NAALADL2: variants seen among roughly 807,000 people sequenced by gnomAD.
NAALADL2 encodes the protein inactive N-acetylated-alpha-linked acidic dipeptidase-like protein 2.
In NAALADL2, 76 loss-of-function variants were observed where a neutral mutation model predicts 87.2. That is an observed-to-expected ratio of 0.87 (90% CI 0.72 to 1.05). The LOEUF (loss-of-function observed/expected upper bound fraction) is 1.05. Among genes scored for constraint, NAALADL2 ranks in the 50% least tolerant of loss-of-function variants. The probability of loss-of-function intolerance (pLI) is 0.00; values close to 1 mark genes in which losing one functional copy is unlikely to be tolerated. For missense variants in NAALADL2, 1,089 were observed against 945.8 expected (o/e 1.15, Z -1.99); for synonymous variants, 354 against 331.0 (o/e 1.07, Z -0.75).
At chr3:175,220,755 T>C (rs1743227327) in intron 2 of NAALADL2, among the ~76,000 whole-genome samples, 1 of 152,216 alleles carries the variant, frequency 6.6e-6, no homozygotes, top group South Asian at 2.1e-4. Context: ...ATTGCCTCTT[T>C]CTAATTTATT....
At chr3:175,328,316 T>C (rs115109040) in intron 5 of NAALADL2, among the ~76,000 whole-genome samples, 2 of 152,190 alleles carry the variant, frequency 1.3e-5, no homozygotes, top group South Asian at 2.1e-4. Flanking sequence ...CAATATTTAG[T>C]TGAGTACTTC....
chr3:175,265,238 A>G (rs2109945578), intron 4 of NAALADL2, among the ~76,000 whole-genome samples: 1 of 151,786 alleles, frequency 6.6e-6, no homozygotes, highest in Admixed American at 6.6e-5. Flanking sequence ...TTATTTCCGG[A>G]ATGGTTATGA....
At chr3:175,211,495 T>C (rs1468395793) in intron 2 of NAALADL2, among the ~76,000 whole-genome samples, 1 of 151,972 alleles carries the variant, frequency 6.6e-6, no homozygotes, top group African/African-American at 2.4e-5. Context: ...CATGCCTCTA[T>C]TTTATACTAA....
chr3:175,627,529 A>T (rs1052800525), intron 11 of NAALADL2, 143 bp downstream of exon 11: 7 of 572,354 alleles, frequency 1.2e-5, no homozygotes, highest in Non-Finnish European at 1.8e-5. Context: ...AGTATATCCT[A>T]TTATTTTACT....
At chr3:174,799,672 G>T (rs185030160) in intron 3 of NAALADL2, among the ~76,000 whole-genome samples, 6 of 152,270 alleles carry the variant, frequency 3.9e-5, no homozygotes, top group African/African-American at 1.4e-4. Context: ...GTGGAGTGCC[G>T]CAGAAAAGAT....
chr3:175,391,730 C>A (rs1301042516), intron 5 of NAALADL2, among the ~76,000 whole-genome samples: 3 of 152,060 alleles, frequency 2.0e-5, no homozygotes, highest in Admixed American at 6.6e-5. Context: ...AGGGTGGAGA[C>A]TTGTTATATG....
In NAALADL2 at chr3:174,612,907, G is replaced by A. The variant is rs190842768; in HGVS notation, c.-115+62270G>A. ...TTAGATATTTATTGTAGTCTTCATAGTCTGAGCTTGTTTGTTCCCATCCTT... is the reference window on the plus strand; with the variant it reads ...TTAGATATTTATTGTAGTCTTCATAATCTGAGCTTGTTTGTTCCCATCCTT... On this transcript the variant is annotated intron_variant, in intron 2 of 3. Transcript: ENST00000434257. Among the ~76,000 whole-genome samples the A allele has an allele frequency of 1.6e-3, 237 of 152,194 alleles. 2 individuals carry two copies. Among genetic ancestry groups the A allele is most frequent in the African/African-American group, 5.6e-3 (234 of 41,526 alleles).
chr3:175,301,690 G>A (rs568622683), intron 4 of NAALADL2, among the ~76,000 whole-genome samples: 1 of 152,284 alleles, frequency 6.6e-6, no homozygotes, highest in South Asian at 2.1e-4. Flanking sequence ...CAGAAAGAAA[G>A]TGAAAGATGA....
At chr3:175,245,104 A>G (rs1368025327) in intron 3 of NAALADL2, among the ~76,000 whole-genome samples, 1 of 151,986 alleles carries the variant, frequency 6.6e-6, no homozygotes, top group South Asian at 2.1e-4. Context: ...CTACTTCTCT[A>G]CATATTTTTC....
chr3:175,415,175 A>G (rs1012746002), intron 5 of NAALADL2, among the ~76,000 whole-genome samples: 12 of 152,342 alleles, frequency 7.9e-5, no homozygotes, highest in Non-Finnish European at 1.6e-4. Flanking sequence ...GTGTGTTCAT[A>G]TAATTGTGTT....
chr3:175,450,355 G>A lies in NAALADL2; in HGVS notation c.1234+2983G>A, dbSNP rs1018857961. Among the ~76,000 whole-genome samples the A allele has an allele frequency of 2.8e-4, 42 of 152,146 alleles. 3 individuals carry two copies. The highest frequency in any genetic ancestry group is 1.4e-3 in the Admixed American group (21 of 15,258). On this transcript the variant is annotated intron_variant, in intron 6 of 13. Transcript: ENST00000454872. ...AAACATATTATAATTATAACATATT[G>A]TTAAATTTTCTAAGTATAGCCCTGA...
chr3:175,467,960 CAT>C (rs1463990655), intron 8 of NAALADL2, among the ~76,000 whole-genome samples: 13 of 152,046 alleles, frequency 8.6e-5, no homozygotes, highest in African/African-American at 2.9e-4. Context: ...GTTCAATAGA[CAT>C]ATGTAGACCA....
chr3:175,054,392 G>A (rs537793078), intron 1 of NAALADL2, among the ~76,000 whole-genome samples: 1 of 152,276 alleles, frequency 6.6e-6, no homozygotes, highest in East Asian at 1.9e-4. Context: ...CAATTTTTTG[G>A]AATTATAGCA....
intron 1 of NAALADL2, among the ~76,000 whole-genome samples, chr3:175,049,034 G>C (rs1233211128): frequency 6.6e-6 from 1 of 151,998 alleles, no homozygotes; most frequent in Admixed American, 6.6e-5. Flanking sequence ...TTATCCATGG[G>C]GATACATCCT....
At chr3:174,779,418 G>A (rs1303143615) in intron 3 of NAALADL2, among the ~76,000 whole-genome samples, 2 of 152,042 alleles carry the variant, frequency 1.3e-5, no homozygotes, top group Non-Finnish European at 2.9e-5. Context: ...CTCCCATTCT[G>A]TAGATTGCCT....
chr3:174,516,535 G>A (rs1475354471), intron 1 of NAALADL2, among the ~76,000 whole-genome samples: 2 of 151,814 alleles, frequency 1.3e-5, no homozygotes, highest in East Asian at 3.9e-4. Flanking sequence ...GACTGGACTT[G>A]GCAATTCATT....
chr3:175,116,464 GA>G (rs548679931), intron 2 of NAALADL2, among the ~76,000 whole-genome samples: 10,036 of 151,966 alleles, frequency 0.066, 658 homozygotes, highest in African/African-American at 0.17. Context: ...GCCAAATCAT[GA>G]GTGAACTCCC....
At position 174,805,311 on chromosome 3, in the gene NAALADL2, G is replaced by C. The variant is rs1041657761; in HGVS notation, c.-9+67565G>C. 7.9e-5 allele frequency among the ~76,000 whole-genome samples: 12 copies of C among 152,200 alleles called. No homozygotes were observed. The South Asian group carries it at 2.3e-3, about 29-fold the overall frequency. On this transcript the variant is annotated intron_variant, in intron 3 of 3. Coordinates refer to the NAALADL2 transcript ENST00000434257. ...TTTGTCTCTCCTCTACTCTTAGATAGTGGCGATAAAAAGAAGAATATGTCT... is the reference window on the plus strand; with the variant it reads ...TTTGTCTCTCCTCTACTCTTAGATACTGGCGATAAAAAGAAGAATATGTCT...
chr3:174,936,015 C>G (rs762896237), intron 1 of NAALADL2, among the ~76,000 whole-genome samples: 2 of 151,860 alleles, frequency 1.3e-5, no homozygotes, highest in Non-Finnish European at 2.9e-5. Context: ...ATAGAGAAGC[C>G]GATGTTGCAT....
Sources: gnomAD v4.1 joint callset for allele counts (sites outside exome capture counted in the v4.1 genomes callset) on GRCh38, gnomAD v4.1.1 for gene constraint, MANE v1.5 for transcripts, NCBI Gene and HGNC (gene_info 2026-07-23, HGNC 2026-07-21) for gene names.